SLC7A6: variants seen among roughly 807,000 people sequenced by gnomAD.
The protein encoded by SLC7A6 is solute carrier family 7 member 6, also known as Y+L amino acid transporter 2.
A neutral mutation model predicts 46.6 loss-of-function variants in SLC7A6; 29 were observed. That is an observed-to-expected ratio of 0.62 (90% confidence interval 0.46 to 0.85). The LOEUF (loss-of-function observed/expected upper bound fraction) is 0.85. Ranked by LOEUF, SLC7A6 falls within the 40% of genes least tolerant of loss-of-function variation. The probability of loss-of-function intolerance (pLI) is 0.00; values close to 1 mark genes in which losing one functional copy is unlikely to be tolerated. For synonymous variants in SLC7A6, 276 were observed against 257.3 expected (o/e 1.07, Z -0.70); for missense variants, 527 against 647.6 (o/e 0.81, Z 2.02).
At chr16:68,290,791 G>A in intron 5 of SLC7A6, 3 of 530,422 alleles carry the variant, frequency 5.7e-6, no homozygotes, top group South Asian at 4.2e-5. Flanking sequence ...TCAGTGGGGA[G>A]CAGCAGGCCC....
Position 68,270,694 on chromosome 16 carries a change from A to G in SLC7A6, c.-37+3973A>G, listed in dbSNP as rs373529125. 1.1e-4 allele frequency among the ~76,000 whole-genome samples: 16 copies of G among 152,130 alleles called. No individual in the cohort carries two copies. In the East Asian group the frequency reaches 1.4e-3, roughly 13 times the overall value. ...GGTGAGCCAGACCTTGTATCTCTCTATCTCCCTGGAGGTGGCTGTCTTTCC... is the reference window on the plus strand; with the variant it reads ...GGTGAGCCAGACCTTGTATCTCTCTGTCTCCCTGGAGGTGGCTGTCTTTCC... On this transcript the variant is annotated intron_variant, in intron 2 of 10. Coordinates refer to ENST00000219343, the MANE Select transcript of SLC7A6 (RefSeq NM_003983.6).
At chr16:68,293,733 T>C (rs1043121334) in intron 7 of SLC7A6, among the ~76,000 whole-genome samples, 2 of 152,238 alleles carry the variant, frequency 1.3e-5, no homozygotes, top group Non-Finnish European at 2.9e-5. Flanking sequence ...ATTTTGCCTA[T>C]GCACATGCTC....
At chr16:68,274,286 G>C (rs1056913555) in intron 2 of SLC7A6, among the ~76,000 whole-genome samples, 3 of 152,200 alleles carry the variant, frequency 2.0e-5, no homozygotes, top group Non-Finnish European at 4.4e-5. Context: ...AAGCCTTTTA[G>C]GCTGGTGATG....
intron 3 of SLC7A6, among the ~76,000 whole-genome samples, chr16:68,284,859 C>CTTTTTTTTTTTTTTTTTTTTTTTT: frequency 1.0e-5 from 1 of 95,646 alleles, no homozygotes; most frequent in Non-Finnish European, 1.9e-5. Flanking sequence ...ATTTTCTCGT[C>CTTTTTTTTTTTTTTTTTTTTTTTT]TTTTTTTTTT....
At chr16:68,286,262 G>A (rs2042930830) in intron 3 of SLC7A6, among the ~76,000 whole-genome samples, 1 of 152,254 alleles carries the variant, frequency 6.6e-6, no homozygotes, top group East Asian at 1.9e-4. Flanking sequence ...GTGCTAAGAA[G>A]CAGGAATGCC....
In SLC7A6 at chr16:68,264,953, C is replaced by G. The variant is rs1052457579; in HGVS notation, c.-166+377C>G. On this transcript the variant is annotated intron_variant, in intron 1 of 10. Coordinates refer to ENST00000219343, the MANE Select transcript of SLC7A6 (RefSeq NM_003983.6). The surrounding 1 kb of genome is among the most constrained non-coding windows in gnomAD (Gnocchi z 5.8). ...GAGGGTGACCGGGACGCTGAGTGCG[C>G]GGGCCGCGCCGCGAGCGTGAGACTG... 6.6e-6 allele frequency among the ~76,000 whole-genome samples: 1 copy of G among 151,536 alleles called. No individual in the cohort carries two copies. Among genetic ancestry groups the G allele is most frequent in the South Asian group, 2.1e-4 (1 of 4,776 alleles).
chr16:68,297,004 A>T (rs576318799), intron 10 of SLC7A6, among the ~76,000 whole-genome samples, 194 bp downstream of exon 10: 21 of 152,288 alleles, frequency 1.4e-4, no homozygotes, highest in Non-Finnish European at 2.9e-4. Context: ...GGGCTAAAAC[A>T]TTACCTCCTG....
chr16:68,300,037 C>A lies in SLC7A6; in HGVS notation c.*2709C>A, dbSNP rs1206478347. The stretch of plus-strand genomic sequence containing the variant: ...AGAAGGTACCTCCCTGTGTAACTCA[C>A]CTTCCCCCATGACAGTGAGTAAGAG... On this transcript the variant is annotated 3_prime_UTR_variant, in exon 11 of 11. Transcript: ENST00000219343. The A allele has an allele frequency of 6.6e-6, 1 of 152,090 alleles. No homozygotes were observed. The highest frequency in any genetic ancestry group is 1.5e-5 in the Non-Finnish European group (1 of 68,050). 9.4% of individuals were successfully genotyped at this position (152,090 alleles called of 1,614,324 possible).
At chr16:68,274,237 G>A (rs2042670194) in intron 2 of SLC7A6, among the ~76,000 whole-genome samples, 1 of 152,200 alleles carries the variant, frequency 6.6e-6, no homozygotes, top group South Asian at 2.1e-4. Flanking sequence ...ACATTGGGTA[G>A]AGGTGACTGG....
chr16:68,278,146 G>A (rs2042751169), intron 3 of SLC7A6, among the ~76,000 whole-genome samples: 1 of 150,868 alleles, frequency 6.6e-6, no homozygotes, highest in South Asian at 2.1e-4. Context: ...TAGTACAGAC[G>A]GGGTTTCACC....
chr16:68,295,098 T>G (rs1308389434), intron 8 of SLC7A6, among the ~76,000 whole-genome samples: 1 of 152,234 alleles, frequency 6.6e-6, no homozygotes, highest in African/African-American at 2.4e-5. Flanking sequence ...CCCACAGTTT[T>G]CAAACTTTTA....
intron 3 of SLC7A6, 154 bp from the exon 4 acceptor site, chr16:68,287,592 T>C (rs1330167213): frequency 6.1e-6 from 6 of 985,288 alleles, no homozygotes; most frequent in Non-Finnish European, 7.2e-6. Context: ...GGGTGCAGGG[T>C]GTCCCCTCGC....
intron 2 of SLC7A6, among the ~76,000 whole-genome samples, chr16:68,274,403 G>A (rs370968323): frequency 7.9e-5 from 12 of 152,318 alleles, no homozygotes; most frequent in East Asian, 3.9e-4. Context: ...GAATCCAATC[G>A]TTGGACAAAT....
At chr16:68,287,506 A>G in intron 3 of SLC7A6, 1 of 1,409,580 alleles carries the variant, frequency 7.1e-7, no homozygotes, top group Non-Finnish European at 9.4e-7. Context: ...AGGATGTATA[A>G]GTATGTGTTC....
chr16:68,291,801 T>TGTGTGTGTGTGTG (rs1555532343), intron 7 of SLC7A6, 140 bp downstream of exon 7: 108 of 310,450 alleles, frequency 3.5e-4, no homozygotes, highest in Non-Finnish European at 4.5e-4. Context: ...GTGTGTGTGT[T>TGTGTGTGTGTGTG]TGGTATGTGG....
At chr16:68,291,170 G>T in intron 5 of SLC7A6, 39 bp from the exon 6 acceptor site, 1 of 1,613,902 alleles carries the variant, frequency 6.2e-7, no homozygotes, top group Non-Finnish European at 8.5e-7. Context: ...CCCAAGGAGA[G>T]GTTGGTTCTA....
chr16:68,269,407 C>G (rs991658321), intron 2 of SLC7A6, among the ~76,000 whole-genome samples: 1 of 152,128 alleles, frequency 6.6e-6, no homozygotes, highest in African/African-American at 2.4e-5. Flanking sequence ...GGGTACAGCT[C>G]TTCTTTGCTA....
At chr16:68,296,548 C>T (rs781250819) in intron 9 of SLC7A6, 35 bp downstream of exon 9, 20 of 1,613,996 alleles carry the variant, frequency 1.2e-5, no homozygotes, top group Admixed American at 1.7e-5. Context: ...AGGGGTGGGC[C>T]ATCTCCCTAA....
At position 68,301,437 on chromosome 16, in the gene SLC7A6, T is replaced by A; in HGVS notation, c.*4109T>A. The A allele has an allele frequency of 6.2e-7, 1 of 1,603,424 alleles. No individual in the cohort carries two copies. The highest frequency in any genetic ancestry group is 8.5e-7 in the Non-Finnish European group (1 of 1,173,156). On this transcript the variant is annotated 3_prime_UTR_variant, in exon 11 of 11. Coordinates refer to ENST00000219343, the MANE Select transcript of SLC7A6 (RefSeq NM_003983.6). ...TGACATCCCGGGAGTGGATTCTAAATGTGATTTTCCTAGGCTACTGCAGGA... is the reference window on the plus strand; with the variant it reads ...TGACATCCCGGGAGTGGATTCTAAAAGTGATTTTCCTAGGCTACTGCAGGA...
Sources: gnomAD v4.1 joint callset for allele counts (sites outside exome capture counted in the v4.1 genomes callset) on GRCh38, gnomAD v4.1.1 for gene constraint, Gnocchi (gnomAD v3.1) non-coding constraint, MANE v1.5 for transcripts, NCBI Gene and HGNC (gene_info 2026-07-23, HGNC 2026-07-21) for gene names.